AKAP7: variants seen among roughly 807,000 people sequenced by gnomAD.
The protein encoded by AKAP7 is A-kinase anchoring protein 7, also known as A kinase (PRKA) anchor protein 7.
AKAP7 carries 39 observed loss-of-function variants against 39.5 expected under a neutral mutation model. That is an observed-to-expected ratio of 0.99 (90% confidence interval 0.76 to 1.29). AKAP7 has a LOEUF of 1.29. AKAP7 is among the 50% of genes most tolerant of loss of function. The probability of loss-of-function intolerance (pLI) is 0.00; values close to 1 mark genes in which losing one functional copy is unlikely to be tolerated. For synonymous variants in AKAP7, 140 were observed against 139.1 expected, an observed-to-expected ratio of 1.01 and a Z score of -0.05; for missense variants, 414 against 407.7, an observed-to-expected ratio of 1.02 and a Z score of -0.13.
At chr6:131,166,964 TTAA>T (rs1265103422) in intron 4 of AKAP7, among the ~76,000 whole-genome samples, 1 of 152,026 alleles carries the variant, frequency 6.6e-6, no homozygotes, top group African/African-American at 2.4e-5. Context: ...AAAAAAATCA[TTAA>T]TTTCTTGAGG....
rs931761645 is a variant in AKAP7, at chr6:131,282,274, T to G, written c.*548T>G. On this transcript the variant is annotated 3_prime_UTR_variant, in exon 8 of 8. Transcript: ENST00000431975. ...ATTATGTTTCATGTAAATGATATATTTTTGGTGAAATGCAACCTTTTCTAT... is the reference window on the plus strand; with the variant it reads ...ATTATGTTTCATGTAAATGATATATGTTTGGTGAAATGCAACCTTTTCTAT... The G allele has an allele frequency of 1.5e-6, 2 of 1,360,444 alleles. No homozygotes were observed. The highest frequency in any genetic ancestry group is 1.9e-6 in the Non-Finnish European group (2 of 1,062,042). 84.3% of individuals were successfully genotyped at this position (1,360,444 alleles called of 1,614,324 possible).
chr6:131,164,205 G>A (rs1475911577), intron 3 of AKAP7: 1 of 327,924 alleles, frequency 3.0e-6, no homozygotes, highest in Non-Finnish European at 6.0e-6. Context: ...TTTTTCTATT[G>A]TGCTGCCTCA....
intron 7 of AKAP7, among the ~76,000 whole-genome samples, chr6:131,259,171 A>G (rs1233335940): frequency 6.6e-6 from 1 of 152,234 alleles, no homozygotes; most frequent in African/African-American, 2.4e-5. Context: ...TATAATTCAC[A>G]CTTTCTAAGC....
At chr6:131,231,448 C>T (rs1334716144) in intron 7 of AKAP7, among the ~76,000 whole-genome samples, 1 of 151,792 alleles carries the variant, frequency 6.6e-6, no homozygotes. Flanking sequence ...GAATTTATTT[C>T]AAGCATTTTA....
intron 1 of AKAP7, among the ~76,000 whole-genome samples, chr6:131,143,447 G>C (rs1446861885): frequency 6.6e-6 from 1 of 152,146 alleles, no homozygotes; most frequent in East Asian, 1.9e-4. Flanking sequence ...GTGACATGTT[G>C]GCTTCCCTTT....
intron 5 of AKAP7, among the ~76,000 whole-genome samples, chr6:131,181,766 T>G (rs1805272236): frequency 6.6e-6 from 1 of 152,178 alleles, no homozygotes; most frequent in Non-Finnish European, 1.5e-5. Flanking sequence ...TAGTTGACGC[T>G]GCTGCCATCC....
chr6:131,127,014 A>G, the AKAP7 span, among the ~76,000 whole-genome samples: 6 of 150,868 alleles, frequency 4.0e-5, no homozygotes, highest in Admixed American at 4.0e-4. Flanking sequence ...GGGAAAATAG[A>G]CCTGGAAGTT....
At chr6:131,247,283 A>G (rs1471319683) in intron 7 of AKAP7, among the ~76,000 whole-genome samples, 3,578 of 38,672 alleles carry the variant, frequency 0.093, 164 homozygotes, top group Admixed American at 0.13. Flanking sequence ...ATATATATAT[A>G]TATATATATA....
chr6:131,195,612 T>G (rs893325231), intron 5 of AKAP7, among the ~76,000 whole-genome samples: 5 of 152,204 alleles, frequency 3.3e-5, no homozygotes, highest in African/African-American at 1.2e-4. Context: ...CTTTAGCATT[T>G]CTTATAGAAC....
intron 5 of AKAP7, among the ~76,000 whole-genome samples, chr6:131,191,427 C>G (rs1022425127): frequency 6.6e-6 from 1 of 152,168 alleles, no homozygotes; most frequent in Non-Finnish European, 1.5e-5. Flanking sequence ...GGAATACACT[C>G]TCACTGTTTC....
chr6:131,242,402 G>A (rs150488816), intron 7 of AKAP7, among the ~76,000 whole-genome samples: 2 of 152,072 alleles, frequency 1.3e-5, no homozygotes, highest in East Asian at 3.9e-4. Flanking sequence ...CTCCAGCCAT[G>A]TATTACAATT....
Position 131,165,215 on chromosome 6 carries a change from C to T in AKAP7, c.426C>T (p.Asn142=), listed in dbSNP as rs1400642865. ...AATTATTAAATGAAGATGAAGTAAA[C>T]ATGTGAGTAATGTATCTTTCTTAAA... The part of the protein sequence containing the change: ...VMQLLNEDEV[N]IGIDALLELK... The change falls in exon 4 of 8, where the codon AAC becomes AAT. Residue 142 remains asparagine (N), a splice_region_variant and synonymous_variant. Transcript: ENST00000431975. The T allele has an allele frequency of 6.2e-7, 1 of 1,601,010 alleles. No homozygotes were observed. Among genetic ancestry groups the T allele is most frequent in the Non-Finnish European group, 8.5e-7 (1 of 1,173,040 alleles).
At chr6:131,261,782 T>TG (rs1482361554) in intron 7 of AKAP7, among the ~76,000 whole-genome samples, 14 of 152,188 alleles carry the variant, frequency 9.2e-5, no homozygotes, top group African/African-American at 3.4e-4. Flanking sequence ...AATAAAACAT[T>TG]GTGGGGGGGA....
chr6:131,243,743 C>G (rs1811790677), intron 7 of AKAP7, among the ~76,000 whole-genome samples: 1 of 152,110 alleles, frequency 6.6e-6, no homozygotes, highest in African/African-American at 2.4e-5. Flanking sequence ...TAATTAGGAC[C>G]TGTGAAAAAC....
chr6:131,208,628 A>G (rs1396811326), intron 6 of AKAP7, among the ~76,000 whole-genome samples: 1 of 152,262 alleles, frequency 6.6e-6, no homozygotes, highest in Non-Finnish European at 1.5e-5. Context: ...TCTGTGATCC[A>G]ATGAATGTTA....
At chr6:131,173,716 T>G (rs1804305504) in intron 5 of AKAP7, among the ~76,000 whole-genome samples, 1 of 152,238 alleles carries the variant, frequency 6.6e-6, no homozygotes, top group South Asian at 2.1e-4. Context: ...TTGGGACTGA[T>G]AGTCCACAGT....
rs766765771 is a variant in AKAP7 at position 131,281,770 on chromosome 6, C to A, written c.*44C>A. 2.0e-6 allele frequency: 3 copies of A among 1,522,832 alleles called. No individual in the cohort carries two copies. Among genetic ancestry groups the A allele is most frequent in the East Asian group, 2.3e-5 (1 of 43,062 alleles). The allele number at this position is 1,522,832 out of a possible 1,614,324, so 94.3% of individuals were successfully genotyped here. On this transcript the variant is annotated 3_prime_UTR_variant, in exon 8 of 8. Transcript: ENST00000431975. The surrounding 1 kb of genome is among the most constrained non-coding windows in gnomAD (Gnocchi z 4.0). ...CATGTCTCTGTGCAAAGCCTCCCTG[C>A]TTCCCTCTGCTGAGTCTAGGGACTG... is the stretch of plus-strand genomic sequence containing the variant.
At chr6:131,130,399 G>A in the AKAP7 span, among the ~76,000 whole-genome samples, 1 of 152,192 alleles carries the variant, frequency 6.6e-6, no homozygotes, top group Non-Finnish European at 1.5e-5. Context: ...CTGAGTTCGA[G>A]CGATTCTCTG....
chr6:131,189,649 A>G (rs1271466054), intron 5 of AKAP7, among the ~76,000 whole-genome samples: 1 of 152,228 alleles, frequency 6.6e-6, no homozygotes, highest in Admixed American at 6.5e-5. Flanking sequence ...AATCTCCTAT[A>G]GAAAAAAATA....
Sources: gnomAD v4.1 joint callset for allele counts (sites outside exome capture counted in the v4.1 genomes callset) on GRCh38, gnomAD v4.1.1 for gene constraint, Gnocchi (gnomAD v3.1) non-coding constraint, MANE v1.5 for transcripts, NCBI Gene and HGNC (gene_info 2026-07-23, HGNC 2026-07-21) for gene names.